The following NCKAP5L variants were observed in gnomAD, a reference collection of about 807,000 sequenced individuals.
NCKAP5L encodes NCK associated protein 5 like.
A neutral mutation model predicts 103.2 loss-of-function variants in NCKAP5L; 54 were observed. The ratio of observed to expected loss-of-function variants is 0.52; its 90% confidence interval spans 0.42 to 0.66. NCKAP5L has a LOEUF of 0.66. Ranked by LOEUF, NCKAP5L falls within the 30% of genes least tolerant of loss-of-function variation. The pLI is 0.00. For missense variants in NCKAP5L, 1,733 were observed against 1,750.6 expected, an observed-to-expected ratio of 0.99 and a Z score of 0.18; for synonymous variants, 762 against 748.6, an observed-to-expected ratio of 1.02 and a Z score of -0.29.
intron 1 of NCKAP5L, among the ~76,000 whole-genome samples, chr12:49,807,451 C>A (rs1333429648): frequency 6.6e-6 from 1 of 152,212 alleles, no homozygotes; most frequent in Non-Finnish European, 1.5e-5. Context: ...TGATCTCCTG[C>A]CTTAGCCTCC....
chr12:49,793,788 C>T lies in NCKAP5L; in HGVS notation c.3204G>A (p.Gly1068=). ...GAGGGCCCACCAGGCCATTCCGGGG[C>T]CCACAGGCTGGCCAGGGGCTCTTGG... is the stretch of plus-strand genomic sequence containing the variant. ...SDPKSPWPAC[G]PRNGLVGPLQ... is the part of the protein sequence containing the mutation. Residue 1068 remains glycine, a synonymous_variant, in exon 9 of 13, where the codon GGG becomes GGA. Transcript: ENST00000335999. The T allele has an allele frequency of 4.4e-6, 7 of 1,605,388 alleles. No individual in the cohort carries two copies. Among genetic ancestry groups the T allele is most frequent in the Non-Finnish European group, 6.0e-6 (7 of 1,175,606 alleles).
chr12:49,794,166 T>G (rs911918320), intron 8 of NCKAP5L, among the ~76,000 whole-genome samples: 8 of 152,150 alleles, frequency 5.3e-5, no homozygotes, highest in African/African-American at 1.9e-4. Context: ...GACTGCTTGA[T>G]GGTGATTCCA....
In NCKAP5L at chr12:49,796,362, G is replaced by A. The variant is rs776234073; in HGVS notation, c.1498C>T (p.Leu500=). The A allele has an allele frequency of 1.1e-5, 18 of 1,574,844 alleles. No homozygotes were observed. Among genetic ancestry groups the A allele is most frequent in the East Asian group, 2.3e-5 (1 of 44,366 alleles). The part of the protein sequence containing the change: ...NSGSDGSPSP[L]LARRGLGGGE... ...CCACCCAGACCCCTTCGGGCCAACAGTGGGGAGGGGCTGCCGTCTGAGCCA... is the reference window on the plus strand; with the variant it reads ...CCACCCAGACCCCTTCGGGCCAACAATGGGGAGGGGCTGCCGTCTGAGCCA... Residue 500 remains leucine, a synonymous_variant, in exon 8 of 13, where the codon CTG becomes TTG. Coordinates refer to ENST00000335999, the MANE Select transcript of NCKAP5L (RefSeq NM_001037806.4).
chr12:49,816,792 G>A (rs1338739064), intron 1 of NCKAP5L, among the ~76,000 whole-genome samples: 1 of 134,470 alleles, frequency 7.4e-6, no homozygotes, highest in Non-Finnish European at 1.6e-5. Context: ...GTGAGAGTCT[G>A]TCTCATAAAA....
intron 1 of NCKAP5L, among the ~76,000 whole-genome samples, chr12:49,821,315 T>C (rs1244223596): frequency 1.3e-5 from 2 of 151,846 alleles, no homozygotes; most frequent in Non-Finnish European, 2.9e-5. Flanking sequence ...TTCAGGAGCC[T>C]GCAGGCTCAG....
rs2603104 is a variant in NCKAP5L, at chr12:49,796,051, T to G, written c.1809A>C (p.Val603=). Residue 603 remains valine (V), a synonymous_variant, in exon 8 of 13, where the codon GTA becomes GTC. Coordinates refer to ENST00000335999, the MANE Select transcript of NCKAP5L (RefSeq NM_001037806.4). ...QAPEVLRSPG[V]PPSPCLPESY... is the part of the protein sequence containing the mutation. ...ATTCTGGGAGGCAAGGACTGGGGGG[T>G]ACTCCAGGGCTTCTGAGGACCTCAG... 0.45 allele frequency: 709,420 copies of G among 1,568,524 alleles called. 173,436 individuals carry two copies. Among genetic ancestry groups the G allele is most frequent in the East Asian group, 0.81 (36,168 of 44,640 alleles).
intron 1 of NCKAP5L, among the ~76,000 whole-genome samples, chr12:49,810,722 A>G (rs920465267): frequency 6.6e-6 from 1 of 152,258 alleles, no homozygotes; most frequent in African/African-American, 2.4e-5. Flanking sequence ...GCAAAAATAG[A>G]GAACAATGAC....
chr12:49,794,270 C>T (rs1339649519), intron 8 of NCKAP5L, among the ~76,000 whole-genome samples: 8 of 152,206 alleles, frequency 5.3e-5, no homozygotes, highest in Non-Finnish European at 8.8e-5. Flanking sequence ...GTCCAAACCA[C>T]GCACCCTACC....
chr12:49,807,588 C>T (rs756790267), intron 1 of NCKAP5L, among the ~76,000 whole-genome samples: 25 of 152,180 alleles, frequency 1.6e-4, no homozygotes, highest in Non-Finnish European at 3.2e-4. Flanking sequence ...ACTTGGTTTG[C>T]TCATAACATT....
At position 49,794,902 on chromosome 12, in the gene NCKAP5L, C is replaced by A. The variant is rs1343656031; in HGVS notation, c.2958G>T (p.Lys986Asn). 1 of 1,529,708 alleles carries A rather than the reference C, an allele frequency of 6.5e-7. No individual in the cohort carries two copies. Among genetic ancestry groups the A allele is most frequent in the Non-Finnish European group, 8.8e-7 (1 of 1,138,494 alleles). 94.8% of individuals were successfully genotyped at this position (1,529,708 alleles called of 1,614,324 possible). The change falls in exon 8 of 13, where the codon AAG becomes AAT. Residue 986 changes from lysine to asparagine, a missense_variant. Physicochemically the swap from Lys to Asn is moderately conservative, Grantham distance 94 (BLOSUM62 0). Coordinates refer to ENST00000335999, the MANE Select transcript of NCKAP5L (RefSeq NM_001037806.4). Reference protein sequence around the residue: ...EDLRRALEEEKAYLSSRARPR... With the variant: ...EDLRRALEEENAYLSSRARPR... ...GCCGGGCCCGGCTGCTTAGGTAGGC[C>A]TTCTCCTCTTCCAGTGCCCGACGCA...
At chr12:49,793,173 C>T (rs564517314) in intron 10 of NCKAP5L, among the ~76,000 whole-genome samples, 179 bp downstream of exon 10, 4 of 152,108 alleles carry the variant, frequency 2.6e-5, no homozygotes, top group Non-Finnish European at 5.9e-5. Context: ...GTAGGTGGGG[C>T]GAGTACCCTG....
intron 5 of NCKAP5L, chr12:49,802,240 C>A (rs1025230387): frequency 3.0e-5 from 10 of 334,832 alleles, no homozygotes; most frequent in African/African-American, 2.1e-4. Flanking sequence ...TAGAATCGAC[C>A]CCCCGCCTCT....
chr12:49,800,320 G>A (rs1946105156), intron 6 of NCKAP5L, among the ~76,000 whole-genome samples: 1 of 152,222 alleles, frequency 6.6e-6, no homozygotes, highest in African/African-American at 2.4e-5. Flanking sequence ...TTGTGGCATG[G>A]CGTCTCTACC....
chr12:49,810,313 C>T (rs1435017807), intron 1 of NCKAP5L, among the ~76,000 whole-genome samples: 1 of 152,216 alleles, frequency 6.6e-6, no homozygotes, highest in African/African-American at 2.4e-5. Context: ...GCCGTCCTAG[C>T]CCAGCCGAGG....
Position 49,795,507 on chromosome 12 carries a change from C to A in NCKAP5L, c.2353G>T (p.Ala785Ser). The A allele has an allele frequency of 6.5e-7, 1 of 1,531,464 alleles. No individual in the cohort carries two copies. Among genetic ancestry groups the A allele is most frequent in the Non-Finnish European group, 8.7e-7 (1 of 1,144,010 alleles). The allele number at this position is 1,531,464 out of a possible 1,614,324, so 94.9% of individuals were successfully genotyped here. Reference sequence around the variant, plus strand: ...GTACGGGGTACCTGGGGGCACAGGGCCCCTGCCAGCCGGCTCTTGGCCAGC... The same window carrying A: ...GTACGGGGTACCTGGGGGCACAGGGACCCTGCCAGCCGGCTCTTGGCCAGC... ...VELAKSRLAG[A>S]LCPQVPRTPA... The change falls in exon 8 of 13, where the codon GCC (alanine) becomes TCC (serine). Residue 785 changes from alanine (A) to serine (S), a missense_variant. Transcript: ENST00000335999.
chr12:49,794,542 T>G (rs935756525), intron 8 of NCKAP5L, among the ~76,000 whole-genome samples: 3 of 152,030 alleles, frequency 2.0e-5, no homozygotes, highest in African/African-American at 7.2e-5. Flanking sequence ...CTGTTAACTC[T>G]TCTCAAATGA....
chr12:49,792,524 A>T lies in NCKAP5L; in HGVS notation c.3714T>A (p.Asn1238Lys). Residue 1238 changes from asparagine to lysine, a missense_variant, in exon 12 of 13, where the codon AAT (asparagine) becomes AAA (lysine). Transcript: ENST00000335999. The surrounding 1 kb of genome is among the most constrained non-coding windows in gnomAD (Gnocchi z 4.5). Reference protein sequence around the residue: ...VQLAKNWTFPNTRAAGSSSDP... With the variant: ...VQLAKNWTFPKTRAAGSSSDP... Reference sequence around the variant, plus strand: ...CCGAGGAGCTGCCGGCTGCCCTAGTATTGGGGAAGGTCCAGTTCTTGGCCA... The same window carrying T: ...CCGAGGAGCTGCCGGCTGCCCTAGTTTTGGGGAAGGTCCAGTTCTTGGCCA... The T allele has an allele frequency of 6.2e-7, 1 of 1,613,456 alleles. No individual in the cohort carries two copies.
At chr12:49,802,753 T>G in intron 5 of NCKAP5L, 1 of 604,138 alleles carries the variant, frequency 1.7e-6, no homozygotes. Context: ...GAAGAAGTCA[T>G]GCTCAAATCA....
intron 1 of NCKAP5L, among the ~76,000 whole-genome samples, chr12:49,816,325 T>A (rs1250938140): frequency 6.6e-6 from 1 of 151,364 alleles, no homozygotes; most frequent in Admixed American, 6.6e-5. Flanking sequence ...AGAAAGAAGG[T>A]TAGAAAGAAG....
Sources: gnomAD v4.1 joint callset for allele counts (sites outside exome capture counted in the v4.1 genomes callset) on GRCh38, gnomAD v4.1.1 for gene constraint, Gnocchi (gnomAD v3.1) non-coding constraint, MANE v1.5 for transcripts, NCBI Gene and HGNC (gene_info 2026-07-23, HGNC 2026-07-21) for gene names.